Variants in CSMD1 observed in about 807,000 individuals in gnomAD.
The protein encoded by CSMD1 is CUB and Sushi multiple domains 1.
Under a neutral mutation model 417.5 loss-of-function variants are expected in CSMD1, and 213 were observed. That is an observed-to-expected ratio of 0.51 (90% confidence interval 0.46 to 0.57). The LOEUF (loss-of-function observed/expected upper bound fraction) is 0.57, where lower values mean the gene tolerates loss of function less well. CSMD1 is among the 20% of genes least tolerant of loss of function. The pLI, the probability that CSMD1 is intolerant of heterozygous loss-of-function variation, is 0.00. For missense variants in CSMD1, 6,923 were observed against 4,529.7 expected, an observed-to-expected ratio of 1.53 and a Z score of -15.17; for synonymous variants, 2,862 against 1,736.8, an observed-to-expected ratio of 1.65 and a Z score of -16.11.
At chr8:4,358,218 T>G (rs900466005) in intron 3 of CSMD1, among the ~76,000 whole-genome samples, 1 of 152,236 alleles carries the variant, frequency 6.6e-6, no homozygotes, top group Admixed American at 6.5e-5. Flanking sequence ...TATAATTTTA[T>G]GTACCAAATG....
At chr8:4,330,985 G>T (rs529567429) in intron 3 of CSMD1, among the ~76,000 whole-genome samples, 33 of 152,080 alleles carry the variant, frequency 2.2e-4, no homozygotes, top group African/African-American at 7.5e-4. Context: ...ATATACAGCC[G>T]CCTTTGTGTT....
intron 5 of CSMD1, among the ~76,000 whole-genome samples, chr8:3,844,615 CATCTGCAGAT>C (rs1803364302): frequency 6.6e-6 from 1 of 152,094 alleles, no homozygotes; most frequent in Non-Finnish European, 1.5e-5. Context: ...GGTGTCCTCC[CATCTGCAGAT>C]GGAAGGAGAA....
intron 3 of CSMD1, among the ~76,000 whole-genome samples, chr8:4,263,579 G>A (rs1432082081): frequency 6.6e-6 from 1 of 152,070 alleles, no homozygotes; most frequent in Non-Finnish European, 1.5e-5. Context: ...CAACAATCAT[G>A]AGTCAATTTT....
intron 18 of CSMD1, among the ~76,000 whole-genome samples, chr8:3,382,868 C>A (rs1037919403): frequency 6.6e-6 from 1 of 151,970 alleles, no homozygotes; most frequent in Non-Finnish European, 1.5e-5. Context: ...TTTTCATTTA[C>A]TGTTTCTGGA....
chr8:3,369,797 T>C (rs1809834848), intron 18 of CSMD1, among the ~76,000 whole-genome samples: 1 of 152,198 alleles, frequency 6.6e-6, no homozygotes, highest in Non-Finnish European at 1.5e-5. Context: ...TATGTAATCA[T>C]TTCAATGGGA....
chr8:4,127,942 T>C (rs1175831564), intron 3 of CSMD1, among the ~76,000 whole-genome samples: 4 of 152,154 alleles, frequency 2.6e-5, no homozygotes, highest in African/African-American at 9.7e-5. Flanking sequence ...TTAAACACTA[T>C]TCTGTCTTGC....
intron 4 of CSMD1, among the ~76,000 whole-genome samples, chr8:4,004,083 G>C (rs1278933961): frequency 6.6e-6 from 1 of 151,954 alleles, no homozygotes; most frequent in Non-Finnish European, 1.5e-5. Context: ...CTGTGAAAAA[G>C]CAGAACAAAT....
chr8:3,383,392 T>A (rs972636986), intron 18 of CSMD1, among the ~76,000 whole-genome samples: 7 of 151,770 alleles, frequency 4.6e-5, no homozygotes, highest in Non-Finnish European at 1.0e-4. Context: ...ACCTCATGCA[T>A]GGAGGGAAGC....
chr8:3,352,218 T>C (rs1350470356), intron 21 of CSMD1, among the ~76,000 whole-genome samples: 1 of 152,106 alleles, frequency 6.6e-6, no homozygotes, highest in Non-Finnish European at 1.5e-5. Flanking sequence ...GTTTTTATGA[T>C]TTTATCAACA....
chr8:3,152,602 C>G (rs1819267996), intron 39 of CSMD1, among the ~76,000 whole-genome samples: 1 of 152,128 alleles, frequency 6.6e-6, no homozygotes, highest in African/African-American at 2.4e-5. Flanking sequence ...GGTGATTGCT[C>G]AAGCCAGGGC....
intron 2 of CSMD1, among the ~76,000 whole-genome samples, chr8:4,619,791 C>G (rs1291530627): frequency 1.3e-5 from 2 of 152,042 alleles, no homozygotes; most frequent in Non-Finnish European, 2.9e-5. Context: ...TTTTGGTATT[C>G]ATATCACATA....
At chr8:3,913,313 C>A (rs1808585298) in intron 5 of CSMD1, among the ~76,000 whole-genome samples, 1 of 152,020 alleles carries the variant, frequency 6.6e-6, no homozygotes, top group Admixed American at 6.6e-5. Context: ...GACCATCGAC[C>A]TGCTCAGGAG....
intron 3 of CSMD1, among the ~76,000 whole-genome samples, chr8:4,244,555 T>C (rs1299062422): frequency 2.6e-5 from 4 of 152,148 alleles, no homozygotes; most frequent in African/African-American, 9.7e-5. Context: ...TTATCAGGTT[T>C]AATGGGAAAA....
In CSMD1 at chr8:4,450,205, G is replaced by C. The variant is rs116409794; in HGVS notation, c.303-30140C>G. On this transcript the variant is annotated intron_variant, in intron 2 of 69. Coordinates refer to ENST00000635120, the MANE Select transcript of CSMD1 (RefSeq NM_033225.6). ...GAACTGGGCAACAATTGAAGTTACA[G>C]AGTACCTATATGTGAGGGAGACTAA... Among the ~76,000 whole-genome samples the C allele has an allele frequency of 3.9e-3, 595 of 152,336 alleles. 6 individuals carry two copies. The highest frequency in any genetic ancestry group is 0.014 in the African/African-American group (577 of 41,584).
intron 7 of CSMD1, among the ~76,000 whole-genome samples, chr8:3,641,849 T>C (rs1797323426): frequency 6.6e-6 from 1 of 152,214 alleles, no homozygotes; most frequent in African/African-American, 2.4e-5. Flanking sequence ...CATAACGTCC[T>C]ATTATTGGTA....
At chr8:3,872,285 G>A (rs540432978) in intron 5 of CSMD1, among the ~76,000 whole-genome samples, 46 of 152,204 alleles carry the variant, frequency 3.0e-4, no homozygotes, top group African/African-American at 1.0e-3. Flanking sequence ...GTCAGGTTTG[G>A]GGTCACCCTG....
At chr8:3,031,501 A>G (rs1187788181) in intron 50 of CSMD1, among the ~76,000 whole-genome samples, 2 of 152,126 alleles carry the variant, frequency 1.3e-5, no homozygotes, top group Non-Finnish European at 2.9e-5. Context: ...AACTTGAACT[A>G]TCTTTTACAA....
chr8:4,389,294 G>A lies in CSMD1; in HGVS notation c.415+30659C>T, dbSNP rs138313503. Among the ~76,000 whole-genome samples the A allele has an allele frequency of 1.1e-4, 16 of 152,230 alleles. No individual in the cohort carries two copies. The East Asian group carries it at 3.1e-3, about 29-fold the overall frequency. ...TACAGAACCAGGAGAATTAGAAAAT[G>A]CGATCATATAACTATGTAATCCTTG... On this transcript the variant is annotated intron_variant, in intron 3 of 69. Transcript: ENST00000635120.
intron 11 of CSMD1, among the ~76,000 whole-genome samples, chr8:3,487,489 C>A (rs1818117845): frequency 6.6e-6 from 1 of 152,304 alleles, no homozygotes; most frequent in South Asian, 2.1e-4. Context: ...GCATGAGCCA[C>A]CATGCCCGGC....
Sources: allele counts gnomAD v4.1 joint callset (sites outside exome capture counted in the v4.1 genomes callset), GRCh38; gene constraint gnomAD v4.1.1; transcripts MANE v1.5; gene names NCBI Gene and HGNC (gene_info 2026-07-23, HGNC 2026-07-21).